Variants in TUSC3 observed in about 807,000 individuals in gnomAD.
The protein encoded by TUSC3 is dolichyl-diphosphooligosaccharide--protein glycosyltransferase subunit TUSC3.
In TUSC3, 45 loss-of-function variants were observed where a neutral mutation model predicts 44.8. The ratio of observed to expected loss-of-function variants is 1.00; its 90% CI spans 0.79 to 1.29. The LOEUF is 1.29. Ranked by LOEUF, TUSC3 falls within the 50% of genes most tolerant of loss-of-function variation. TUSC3 has a pLI of 0.00. For synonymous variants in TUSC3, 212 were observed against 152.9 expected, an observed-to-expected ratio of 1.39 and a Z score of -2.85; for missense variants, 519 against 437.9, an observed-to-expected ratio of 1.19 and a Z score of -1.65.
At chr8:15,546,469 A>G (rs1157552534) in intron 1 of TUSC3, among the ~76,000 whole-genome samples, 1 of 151,732 alleles carries the variant, frequency 6.6e-6, no homozygotes, top group African/African-American at 2.4e-5. Flanking sequence ...TTTTACATAG[A>G]TAAGTAAGAC....
chr8:15,704,700 A>T (rs1177451943), intron 6 of TUSC3, among the ~76,000 whole-genome samples: 2 of 151,766 alleles, frequency 1.3e-5, no homozygotes, highest in Non-Finnish European at 2.9e-5. Context: ...TGTACATCCA[A>T]TCCTATCCCT....
intron 2 of TUSC3, among the ~76,000 whole-genome samples, chr8:15,495,192 T>G (rs1800865392): frequency 6.6e-6 from 1 of 152,318 alleles, no homozygotes; most frequent in Non-Finnish European, 1.5e-5. Flanking sequence ...TCTTCCACCC[T>G]TTAGATAATA....
rs1808111461 is a variant in TUSC3, at chr8:15,674,817, A to G, written c.798+981A>G. Among the ~76,000 whole-genome samples the G allele has an allele frequency of 3.3e-5, 5 of 152,194 alleles. No individual in the cohort carries two copies. In the South Asian group the frequency reaches 8.3e-4, roughly 25 times the overall value. ...AAAATCTGGCATTATTTAGAAGAGT[A>G]ATTTCAGAAAGTCTTCAATATTCAA... On this transcript the variant is annotated intron_variant, in intron 6 of 10. Coordinates refer to ENST00000503731, the MANE Select transcript of TUSC3 (RefSeq NM_006765.4).
intron 6 of TUSC3, among the ~76,000 whole-genome samples, chr8:15,721,672 A>G (rs1325094784): frequency 6.6e-6 from 1 of 152,144 alleles, no homozygotes; most frequent in Non-Finnish European, 1.5e-5. Flanking sequence ...AAGTAATTAT[A>G]CATTTCAGTT....
intron 1 of TUSC3, among the ~76,000 whole-genome samples, chr8:15,589,799 C>G (rs1803747651): frequency 6.6e-6 from 1 of 151,978 alleles, no homozygotes; most frequent in Non-Finnish European, 1.5e-5. Flanking sequence ...AGTGTCCTAC[C>G]AAAAGTGAGT....
chr8:15,731,016 A>G (rs979303725), intron 7 of TUSC3, among the ~76,000 whole-genome samples: 2 of 152,050 alleles, frequency 1.3e-5, no homozygotes, highest in Admixed American at 6.6e-5. Flanking sequence ...TTTCAAGTGT[A>G]TATGGCTTTT....
At chr8:15,572,679 C>T (rs748000645) in intron 1 of TUSC3, among the ~76,000 whole-genome samples, 7 of 152,116 alleles carry the variant, frequency 4.6e-5, no homozygotes, top group Non-Finnish European at 1.0e-4. Context: ...AAGTGAGAGA[C>T]ATGTGACTCT....
rs1327176859 is a variant in TUSC3, at chr8:15,748,431, A to G, written c.994A>G (p.Ile332Val). The change falls in exon 9 of 11, where the codon ATA becomes GTA. Residue 332 changes from isoleucine (I) to valine (V), a missense_variant. Physicochemically the swap from Ile to Val is conservative, Grantham distance 29. Transcript: ENST00000503731. ...VVFFFSFLLS[I>V]FRSKYHGYPY... ...CTTCTTCTTCAGTTTTCTACTTTCA[A>G]TATTTCGTTCCAAGTACCACGGCTA... The G allele has an allele frequency of 4.3e-6, 7 of 1,613,374 alleles. No individual in the cohort carries two copies. Among genetic ancestry groups the G allele is most frequent in the South Asian group, 2.2e-5 (2 of 91,064 alleles).
Position 15,671,681 on chromosome 8 carries a change from T to C in TUSC3, c.709-2066T>C, listed in dbSNP as rs3789004. Among the ~76,000 whole-genome samples, 737 of 152,172 alleles carry C rather than the reference T, an allele frequency of 4.8e-3. 19 individuals carry two copies. The East Asian group carries it at 0.071, about 15-fold the overall frequency. On this transcript the variant is annotated intron_variant, in intron 5 of 10. Coordinates refer to ENST00000503731, the MANE Select transcript of TUSC3 (RefSeq NM_006765.4). ...AACTGGTGACATACCGTAAATAGTATTGTTGCTGCTATTGCCTCTTTTCCT... is the reference window on the plus strand; with the variant it reads ...AACTGGTGACATACCGTAAATAGTACTGTTGCTGCTATTGCCTCTTTTCCT...
At chr8:15,594,627 T>C (rs1226214151) in intron 1 of TUSC3, among the ~76,000 whole-genome samples, 4 of 152,148 alleles carry the variant, frequency 2.6e-5, no homozygotes, top group Admixed American at 1.3e-4. Context: ...TTCCCTACTA[T>C]TGCCAGAGCA....
chr8:15,469,172 A>G (rs1319343520), intron 1 of TUSC3, among the ~76,000 whole-genome samples: 1 of 152,234 alleles, frequency 6.6e-6, no homozygotes, highest in Non-Finnish European at 1.5e-5. Context: ...GCTGGATTTC[A>G]TTAAAATTAA....
At chr8:15,789,133 G>C in the TUSC3 span, among the ~76,000 whole-genome samples, 5 of 152,154 alleles carry the variant, frequency 3.3e-5, no homozygotes, top group East Asian at 5.8e-4. Context: ...CATTTTCCCA[G>C]AGTGTTAGGT....
At chr8:15,571,923 T>TTTAAACA (rs1396117987) in intron 1 of TUSC3, among the ~76,000 whole-genome samples, 1 of 152,154 alleles carries the variant, frequency 6.6e-6, no homozygotes, top group Non-Finnish European at 1.5e-5. Context: ...TAAACTGTGC[T>TTTAAACA]TTAAACATAG....
chr8:15,652,302 A>G (rs915680720), intron 3 of TUSC3, among the ~76,000 whole-genome samples: 2 of 152,194 alleles, frequency 1.3e-5, no homozygotes, highest in African/African-American at 4.8e-5. Context: ...CCATTAGTGA[A>G]CATTTTTACT....
At chr8:15,755,100 C>G (rs1432473978) in intron 9 of TUSC3, among the ~76,000 whole-genome samples, 4 of 152,204 alleles carry the variant, frequency 2.6e-5, no homozygotes, top group South Asian at 4.1e-4. Flanking sequence ...CTGTCTCATG[C>G]CATTACTAAA....
intron 3 of TUSC3, among the ~76,000 whole-genome samples, chr8:15,652,228 T>A (rs1257012305): frequency 1.3e-5 from 2 of 152,354 alleles, no homozygotes; most frequent in South Asian, 4.1e-4. Context: ...TTTGGTATAA[T>A]GCTTACCAGG....
the TUSC3 span, among the ~76,000 whole-genome samples, chr8:15,832,844 A>G: frequency 3.3e-5 from 5 of 152,164 alleles, no homozygotes; most frequent in Non-Finnish European, 1.5e-5. Flanking sequence ...AGAGACTTCA[A>G]CACCCCAATG....
intron 1 of TUSC3, among the ~76,000 whole-genome samples, chr8:15,575,091 A>C (rs1324120652): frequency 1.3e-5 from 2 of 152,184 alleles, no homozygotes; most frequent in Non-Finnish European, 2.9e-5. Context: ...TTTAAAAAAT[A>C]TTATTAGATT....
chr8:15,612,970 T>G (rs1195879275), intron 1 of TUSC3, among the ~76,000 whole-genome samples: 4 of 151,680 alleles, frequency 2.6e-5, no homozygotes, highest in Non-Finnish European at 4.4e-5. Flanking sequence ...AAACAATATA[T>G]TCTTTACCAT....
Sources: gnomAD v4.1 joint callset for allele counts (sites outside exome capture counted in the v4.1 genomes callset) on GRCh38, gnomAD v4.1.1 for gene constraint, MANE v1.5 for transcripts, NCBI Gene and HGNC (gene_info 2026-07-23, HGNC 2026-07-21) for gene names.